Variants in HSD17B2 observed in about 807,000 individuals in gnomAD.
HSD17B2 encodes the protein hydroxysteroid 17-beta dehydrogenase 2.
A neutral mutation model predicts 26.9 loss-of-function variants in HSD17B2; 32 were observed. The ratio of observed to expected loss-of-function variants is 1.19; its 90% CI spans 0.90 to 1.60. The LOEUF (loss-of-function observed/expected upper bound fraction) is 1.60. Among genes scored for constraint, HSD17B2 ranks in the 40% most tolerant of loss-of-function variants. HSD17B2 has a pLI of 0.00. For synonymous variants in HSD17B2, 246 were observed against 186.7 expected (o/e 1.32, Z -2.59); for missense variants, 613 against 468.6 (o/e 1.31, Z -2.85).
intron 2 of HSD17B2, 21 bp downstream of exon 2, chr16:82,068,403 A>G: frequency 6.3e-7 from 1 of 1,589,462 alleles, no homozygotes; most frequent in Non-Finnish European, 8.6e-7. Context: ...CAGCACCCTC[A>G]GTGCCTTTAC....
At chr16:82,076,517 C>G (rs1302726053) in intron 3 of HSD17B2, among the ~76,000 whole-genome samples, 1 of 152,206 alleles carries the variant, frequency 6.6e-6, no homozygotes, top group African/African-American at 2.4e-5. Flanking sequence ...ACAATTAAAA[C>G]TGATAAACAA....
intron 1 of HSD17B2, among the ~76,000 whole-genome samples, chr16:82,045,978 C>CA (rs1913914460): frequency 6.6e-6 from 1 of 152,232 alleles, no homozygotes; most frequent in Admixed American, 6.5e-5. Context: ...TTGCTCTAGG[C>CA]AAACTGTTCA....
chr16:82,058,674 G>T (rs756352374), intron 1 of HSD17B2, among the ~76,000 whole-genome samples: 1 of 152,024 alleles, frequency 6.6e-6, no homozygotes, highest in African/African-American at 2.4e-5. Flanking sequence ...GAATTTTCAC[G>T]GTGACCAGGT....
chr16:82,065,564 C>A (rs978724949), intron 1 of HSD17B2, among the ~76,000 whole-genome samples: 1 of 152,164 alleles, frequency 6.6e-6, no homozygotes, highest in African/African-American at 2.4e-5. Flanking sequence ...AGGCTGTCCA[C>A]GAAACACTTG....
chr16:82,097,359 A>ATTAT (rs1567595578), intron 4 of HSD17B2: 1 of 92,118 alleles, frequency 1.1e-5, no homozygotes, highest in African/African-American at 3.1e-5. Context: ...GTACACACAC[A>ATTAT]CACACACACA....
chr16:82,058,124 T>C (rs1188242262), intron 1 of HSD17B2, among the ~76,000 whole-genome samples: 1 of 151,218 alleles, frequency 6.6e-6, no homozygotes, highest in African/African-American at 2.4e-5. Flanking sequence ...TAGGCTGGAG[T>C]GCAGCAGTAT....
intron 4 of HSD17B2, 51 bp from the exon 5 acceptor site, chr16:82,098,024 G>A: frequency 6.4e-7 from 1 of 1,553,744 alleles, no homozygotes; most frequent in East Asian, 2.3e-5. Context: ...CCTGCTCCCT[G>A]ACTTCCTTGG....
intron 1 of HSD17B2, among the ~76,000 whole-genome samples, chr16:82,063,920 G>C (rs1914511009): frequency 1.3e-5 from 2 of 152,202 alleles, no homozygotes; most frequent in Admixed American, 6.5e-5. Flanking sequence ...AACAAAGAAA[G>C]GGAGTTTGGA....
chr16:82,041,712 C>A (rs11648233), intron 1 of HSD17B2, among the ~76,000 whole-genome samples: 69,980 of 152,140 alleles, frequency 0.46, 18,761 homozygotes, highest in Non-Finnish European at 0.6. Flanking sequence ...TCCTTTGACT[C>A]TTCCGGGTTC....
chr16:82,086,355 C>T (rs1161155406), intron 3 of HSD17B2, among the ~76,000 whole-genome samples: 6 of 152,266 alleles, frequency 3.9e-5, no homozygotes, highest in Middle Eastern at 3.4e-3. Flanking sequence ...AAACATGATG[C>T]TAAGTACACA....
chr16:82,058,882 C>A (rs912942520), intron 1 of HSD17B2, among the ~76,000 whole-genome samples: 3 of 152,188 alleles, frequency 2.0e-5, no homozygotes, highest in African/African-American at 7.2e-5. Flanking sequence ...GAGTACAGGG[C>A]AAGAACATGA....
chr16:82,066,751 C>A lies in HSD17B2; in HGVS notation c.266-1419C>A, dbSNP rs185872763. ...GATTTTATTAATTATTATTATACTG[C>A]AAATTATTTTATTTCACTTAACAAA... On this transcript the variant is annotated intron_variant, in intron 1 of 4. Coordinates refer to ENST00000199936, the MANE Select transcript of HSD17B2 (RefSeq NM_002153.3). Among the ~76,000 whole-genome samples, 466 of 152,092 alleles carry A rather than the reference C, an allele frequency of 3.1e-3. 2 individuals carry two copies. Among genetic ancestry groups the A allele is most frequent in the African/African-American group, 0.011 (449 of 41,490 alleles).
intron 4 of HSD17B2, chr16:82,092,972 G>A (rs926845958): frequency 2.0e-5 from 3 of 152,148 alleles, no homozygotes; most frequent in African/African-American, 4.8e-5. Flanking sequence ...CTGCAGTTAG[G>A]TTATGATTTT....
intron 1 of HSD17B2, among the ~76,000 whole-genome samples, chr16:82,055,161 C>A (rs1914228854): frequency 6.6e-6 from 1 of 152,238 alleles, no homozygotes; most frequent in Non-Finnish European, 1.5e-5. Context: ...TGAACTACTG[C>A]TGTAATTTAG....
intron 1 of HSD17B2, among the ~76,000 whole-genome samples, chr16:82,053,845 T>C (rs1371582765): frequency 1.3e-5 from 2 of 152,196 alleles, no homozygotes; most frequent in East Asian, 3.8e-4. Flanking sequence ...GTAGAGCATC[T>C]CCCTCTTGTA....
intron 3 of HSD17B2, among the ~76,000 whole-genome samples, chr16:82,083,638 C>T (rs1904440894): frequency 6.6e-6 from 1 of 152,144 alleles, no homozygotes; most frequent in African/African-American, 2.4e-5. Context: ...GGGGCAGCAG[C>T]TGACAGTCTG....
At chr16:82,056,844 G>A (rs1163891656) in intron 1 of HSD17B2, among the ~76,000 whole-genome samples, 2 of 152,176 alleles carry the variant, frequency 1.3e-5, no homozygotes, top group Admixed American at 6.5e-5. Flanking sequence ...TCTTATGGAC[G>A]TAGGGTTCAA....
intron 3 of HSD17B2, among the ~76,000 whole-genome samples, chr16:82,089,638 T>G (rs1904626576): frequency 6.6e-6 from 1 of 152,194 alleles, no homozygotes; most frequent in African/African-American, 2.4e-5. Flanking sequence ...AAACCAAGTG[T>G]TAGCAGGGCT....
At position 82,052,052 on chromosome 16, in the gene HSD17B2, T is replaced by C. The variant is rs74029367; in HGVS notation, c.266-16118T>C. 4.2e-3 allele frequency among the ~76,000 whole-genome samples: 646 copies of C among 152,318 alleles called. 7 individuals are homozygous for C. The highest frequency in any genetic ancestry group is 0.015 in the African/African-American group (604 of 41,576). On this transcript the variant is annotated intron_variant, in intron 1 of 4. Transcript: ENST00000199936. The stretch of plus-strand genomic sequence containing the variant: ...GCCTTATACAGAGCCAACCACATCA[T>C]AGGTGCTCAGGAAATAATGTCTGTG...
Sources: gnomAD v4.1 joint callset for allele counts (sites outside exome capture counted in the v4.1 genomes callset) on GRCh38, gnomAD v4.1.1 for gene constraint, MANE v1.5 for transcripts, NCBI Gene and HGNC (gene_info 2026-07-23, HGNC 2026-07-21) for gene names.